Variants in CDH23 observed in about 807,000 individuals in gnomAD.
CDH23 encodes the protein cadherin related 23, also known as cadherin-23.
CDH23 carries 189 observed loss-of-function variants against 317.1 expected under a neutral mutation model. That is an observed-to-expected ratio of 0.60 (90% CI 0.53 to 0.67). CDH23 has a LOEUF of 0.67. Ranked by LOEUF, CDH23 falls within the 30% of genes least tolerant of loss-of-function variation. CDH23 has a pLI of 0.00. For missense variants in CDH23, 4,401 were observed against 4,592.4 expected (o/e 0.96, Z 1.20); for synonymous variants, 1,839 against 1,876.8 (o/e 0.98, Z 0.52).
Position 71,724,458 on chromosome 10 carries a change from G to A in CDH23, c.3430+353G>A, listed in dbSNP as rs1445476793. On this transcript the variant is annotated intron_variant, in intron 29 of 69. Coordinates refer to ENST00000224721, the MANE Select transcript of CDH23 (RefSeq NM_022124.6). ...GTCCCCAGTAGCTGGGACTACAGGCGCATGCCTGTAATTTTTTGTGCTTTT... is the reference window on the plus strand; with the variant it reads ...GTCCCCAGTAGCTGGGACTACAGGCACATGCCTGTAATTTTTTGTGCTTTT... 2.0e-5 allele frequency among the ~76,000 whole-genome samples: 3 copies of A among 152,282 alleles called. No individual in the cohort carries two copies. The South Asian group carries it at 6.2e-4, about 32-fold the overall frequency.
At chr10:71,746,427 C>T (rs1839854544) in intron 38 of CDH23, among the ~76,000 whole-genome samples, 1 of 152,234 alleles carries the variant, frequency 6.6e-6, no homozygotes, top group Non-Finnish European at 1.5e-5. Context: ...GCCCATATCA[C>T]CCGAACTCGG....
chr10:71,812,207 C>T, intron 66 of CDH23, 192 bp downstream of exon 66: 2 of 1,587,642 alleles, frequency 1.3e-6, no homozygotes, highest in South Asian at 2.3e-5. Flanking sequence ...CTCTCCACCC[C>T]AGTGGGCCTC....
intron 68 of CDH23, 132 bp from the exon 69 acceptor site, chr10:71,813,112 C>A: frequency 8.9e-7 from 1 of 1,119,240 alleles, no homozygotes. Flanking sequence ...TCTCCAGGCT[C>A]TGCCGCTGAT....
At position 71,807,921 on chromosome 10, in the gene CDH23, G is replaced by A; in HGVS notation, c.8636G>A (p.Ser2879Asn). The A allele has an allele frequency of 6.2e-7, 1 of 1,604,460 alleles. No individual in the cohort carries two copies. Among genetic ancestry groups the A allele is most frequent in the Non-Finnish European group, 8.5e-7 (1 of 1,175,522 alleles). The change falls in exon 60 of 70, where the codon AGC becomes AAC. Residue 2879 changes from serine (S) to asparagine (N), a missense_variant. By Grantham distance (46) the Ser-to-Asn change is conservative. Transcript: ENST00000224721. ...LALDADIGNN[S>N]LVFYSILAIH... ...CTGGATGCAGACATTGGCAACAACA[G>A]CCTTGTCTTCTACAGCATTCTGGCC...
rs1387647832 is a variant in CDH23 at position 71,739,742 on chromosome 10, C to T, written c.4458C>T (p.Asp1486=). ...IGEVFVARPL[D]REELDHYILQ... is the part of the protein sequence containing the mutation. The stretch of plus-strand genomic sequence containing the variant: ...AAGTGTTTGTGGCCAGGCCCCTGGA[C>T]AGAGAAGAGCTGGATCACTACATCC... Residue 1486 remains aspartate, a synonymous_variant, in exon 36 of 70, where the codon GAC becomes GAT. Coordinates refer to ENST00000224721, the MANE Select transcript of CDH23 (RefSeq NM_022124.6). 1.2e-6 allele frequency: 2 copies of T among 1,612,878 alleles called. No homozygotes were observed. The highest frequency in any genetic ancestry group is 2.2e-5 in the East Asian group (1 of 44,892).
At chr10:71,634,894 C>T (rs1862188270) in intron 11 of CDH23, among the ~76,000 whole-genome samples, 1 of 152,262 alleles carries the variant, frequency 6.6e-6, no homozygotes, top group Admixed American at 6.5e-5. Context: ...CCTCACCCTC[C>T]TGGCTAGCCC....
intron 1 of CDH23, among the ~76,000 whole-genome samples, chr10:71,398,537 G>A (rs957830043): frequency 4.0e-5 from 6 of 151,498 alleles, no homozygotes; most frequent in African/African-American, 1.5e-4. Context: ...GGTGGGGCGG[G>A]CTTTAAGAAC....
chr10:71,452,667 G>A (rs749702740), intron 3 of CDH23, among the ~76,000 whole-genome samples: 3 of 152,062 alleles, frequency 2.0e-5, no homozygotes, highest in Non-Finnish European at 4.4e-5. Flanking sequence ...CTATTTGTGT[G>A]GAACTCCCCA....
chr10:71,507,191 T>A (rs1853689823), intron 3 of CDH23, among the ~76,000 whole-genome samples: 2 of 152,188 alleles, frequency 1.3e-5, no homozygotes, highest in South Asian at 4.1e-4. Context: ...GGACTCATTG[T>A]TGCACCTGGA....
intron 41 of CDH23, among the ~76,000 whole-genome samples, chr10:71,782,521 C>T (rs1233483267): frequency 6.6e-6 from 1 of 152,236 alleles, no homozygotes; most frequent in Non-Finnish European, 1.5e-5. Flanking sequence ...AGGCTTTTAA[C>T]CTCCTGTCTC....
At chr10:71,463,191 G>A (rs1000056940) in intron 3 of CDH23, among the ~76,000 whole-genome samples, 3 of 152,278 alleles carry the variant, frequency 2.0e-5, no homozygotes, top group South Asian at 2.1e-4. Flanking sequence ...TAAAGAGGCC[G>A]CGTTCTGAAA....
intron 8 of CDH23, among the ~76,000 whole-genome samples, chr10:71,571,299 C>T (rs1012816378): frequency 6.6e-6 from 1 of 152,236 alleles, no homozygotes; most frequent in African/African-American, 2.4e-5. Flanking sequence ...TCTGCCGTGT[C>T]AGTCTGTCCC....
chr10:71,659,151 G>T (rs1863539605), intron 14 of CDH23, among the ~76,000 whole-genome samples: 1 of 152,204 alleles, frequency 6.6e-6, no homozygotes, highest in Admixed American at 6.5e-5. Flanking sequence ...ATCACTCAGA[G>T]AACACCAGAG....
chr10:71,447,601 A>T (rs1850234838), intron 3 of CDH23, among the ~76,000 whole-genome samples: 1 of 151,862 alleles, frequency 6.6e-6, no homozygotes, highest in Admixed American at 6.5e-5. Context: ...TTGGTGATAG[A>T]TCAGTGTTGT....
In CDH23 at chr10:71,724,111, T is replaced by A. The variant is rs531315052; in HGVS notation, c.3430+6T>A. On this transcript the variant is annotated splice_donor_region_variant and intron_variant, in intron 29 of 69. Transcript: ENST00000224721. ...GTGGTACCGCATCCTCCATGGTAAG[T>A]GGGGCTGCCCTAGGATGGGGGGCGG... 3.2e-6 allele frequency: 5 copies of A among 1,555,692 alleles called. No individual in the cohort carries two copies. In the South Asian group the frequency reaches 5.9e-5, roughly 18 times the overall value.
At chr10:71,704,823 T>G (rs1272708268) in intron 24 of CDH23, 88 bp from the exon 25 acceptor site, 3 of 1,049,650 alleles carry the variant, frequency 2.9e-6, no homozygotes, top group African/African-American at 3.1e-5. Flanking sequence ...CAAGTGTGGC[T>G]TGGCAGGGAG....
chr10:71,724,864 G>A (rs1316145652), intron 29 of CDH23, among the ~76,000 whole-genome samples: 3 of 152,242 alleles, frequency 2.0e-5, no homozygotes, highest in Admixed American at 1.3e-4. Flanking sequence ...GACAGTAGAG[G>A]AGAGTAGATC....
chr10:71,754,172 C>G (rs74756563), intron 38 of CDH23, among the ~76,000 whole-genome samples: 1 of 152,126 alleles, frequency 6.6e-6, no homozygotes, highest in African/African-American at 2.4e-5. Context: ...CAGCGTTGCT[C>G]TTCTGTTCCA....
chr10:71,455,840 T>G (rs1009924014), intron 3 of CDH23, among the ~76,000 whole-genome samples: 1 of 152,188 alleles, frequency 6.6e-6, no homozygotes, highest in African/African-American at 2.4e-5. Flanking sequence ...TTGTGACCAC[T>G]TTGTTAGACA....
Sources: allele counts gnomAD v4.1 joint callset (sites outside exome capture counted in the v4.1 genomes callset), GRCh38; gene constraint gnomAD v4.1.1; transcripts MANE v1.5; gene names NCBI Gene and HGNC (gene_info 2026-07-23, HGNC 2026-07-21).